GABBR2: variants seen among roughly 807,000 people sequenced by gnomAD.
The protein encoded by GABBR2 is gamma-aminobutyric acid type B receptor subunit 2.
A neutral mutation model predicts 105.6 loss-of-function variants in GABBR2; 23 were observed. The observed-to-expected ratio is 0.22, with a 90% CI of 0.16 to 0.31. The LOEUF (loss-of-function observed/expected upper bound fraction) is 0.31. GABBR2 is among the 10% of genes least tolerant of loss of function. GABBR2 has a pLI of 1.00. For missense variants in GABBR2, 734 were observed against 1,245.5 expected, an observed-to-expected ratio of 0.59 and a Z score of 6.18; for synonymous variants, 478 against 499.7, an observed-to-expected ratio of 0.96 and a Z score of 0.58.
intron 1 of GABBR2, among the ~76,000 whole-genome samples, chr9:98,599,402 T>C (rs1287458273): frequency 6.6e-6 from 1 of 152,190 alleles, no homozygotes; most frequent in Non-Finnish European, 1.5e-5. Flanking sequence ...TGGGCCTCAC[T>C]CCATCACCTT....
chr9:98,652,821 A>T (rs1830128339), intron 1 of GABBR2, among the ~76,000 whole-genome samples: 1 of 152,242 alleles, frequency 6.6e-6, no homozygotes, highest in African/African-American at 2.4e-5. Context: ...CTGAACAACC[A>T]GGCTCTGCAG....
intron 6 of GABBR2, among the ~76,000 whole-genome samples, chr9:98,471,311 G>C (rs538595696): frequency 4.6e-5 from 7 of 152,284 alleles, no homozygotes; most frequent in Middle Eastern, 3.4e-3. Flanking sequence ...CTTATGAGTG[G>C]GTTTTCCAAA....
chr9:98,434,709 C>T (rs1172779535), intron 7 of GABBR2, among the ~76,000 whole-genome samples: 1 of 152,132 alleles, frequency 6.6e-6, no homozygotes, highest in Non-Finnish European at 1.5e-5. Flanking sequence ...TCACCGCAGC[C>T]CTGTATAAGC....
At chr9:98,613,326 G>C (rs1339469284) in intron 1 of GABBR2, among the ~76,000 whole-genome samples, 1 of 152,118 alleles carries the variant, frequency 6.6e-6, no homozygotes, top group Non-Finnish European at 1.5e-5. Flanking sequence ...TGTAGTCCCA[G>C]CTAATCAGGA....
intron 1 of GABBR2, among the ~76,000 whole-genome samples, chr9:98,653,967 T>C (rs1830144305): frequency 1.3e-5 from 2 of 152,136 alleles, no homozygotes; most frequent in South Asian, 4.1e-4. Flanking sequence ...ACAAAGAAAC[T>C]GAGGTTTGGA....
intron 1 of GABBR2, among the ~76,000 whole-genome samples, chr9:98,704,069 T>C (rs1480704179): frequency 6.6e-6 from 1 of 152,164 alleles, no homozygotes; most frequent in Non-Finnish European, 1.5e-5. Flanking sequence ...CTTGCCCTGT[T>C]CTCTGTTCAC....
At chr9:98,398,077 T>C (rs76473406) in intron 8 of GABBR2, among the ~76,000 whole-genome samples, 5,066 of 152,266 alleles carry the variant, frequency 0.033, 260 homozygotes, top group African/African-American at 0.1. Flanking sequence ...GGTCTATATG[T>C]GGATATGTCT....
chr9:98,450,792 C>A (rs1330515237), intron 7 of GABBR2, among the ~76,000 whole-genome samples: 1 of 152,140 alleles, frequency 6.6e-6, no homozygotes, highest in Non-Finnish European at 1.5e-5. Context: ...CATCCTCAAG[C>A]CGTGGAGAAC....
chr9:98,669,917 T>A (rs1255162804), intron 1 of GABBR2, among the ~76,000 whole-genome samples: 7 of 150,804 alleles, frequency 4.6e-5, no homozygotes, highest in African/African-American at 1.7e-4. Flanking sequence ...TGAGCTCGAA[T>A]CTTAACAAGG....
chr9:98,479,851 C>T (rs556326673), intron 5 of GABBR2, among the ~76,000 whole-genome samples: 175 of 152,276 alleles, frequency 1.1e-3, no homozygotes, highest in Non-Finnish European at 1.8e-3. Context: ...CTGGAACATC[C>T]AAAGTCCCTT....
chr9:98,320,523 G>A (rs1448563581), intron 13 of GABBR2, among the ~76,000 whole-genome samples: 1 of 152,100 alleles, frequency 6.6e-6, no homozygotes, highest in African/African-American at 2.4e-5. Flanking sequence ...AAAGACACAT[G>A]CACACGTATG....
At position 98,343,934 on chromosome 9, in the gene GABBR2, G is replaced by A. The variant is rs1035733420; in HGVS notation, c.1893+18781C>T. ...ACTCACACATACATACTGTCAATTC[G>A]TGGCCCTAATCTTACTTGATCTAAA... On this transcript the variant is annotated intron_variant, in intron 13 of 18. Coordinates refer to ENST00000259455, the MANE Select transcript of GABBR2 (RefSeq NM_005458.8). Among the ~76,000 whole-genome samples the A allele has an allele frequency of 3.3e-5, 5 of 152,110 alleles. 1 individual carries two copies. The South Asian group carries it at 1.0e-3, about 32-fold the overall frequency.
rs374404921 is a variant in GABBR2, at chr9:98,371,554, G to A, written c.1680C>T (p.Leu560=). 6.2e-7 allele frequency: 1 copy of A among 1,606,134 alleles called. No homozygotes were observed. The change falls in exon 12 of 19, where the codon CTC becomes CTT. Residue 560 remains leucine, a synonymous_variant. Coordinates refer to ENST00000259455, the MANE Select transcript of GABBR2 (RefSeq NM_005458.8). Reference sequence around the variant, plus strand: ...CAAAAGCGGTCGTGTAGCCCACGGTGAGAATCCAGGTCCTGACCTAGAGGC... The same window carrying A: ...CAAAAGCGGTCGTGTAGCCCACGGTAAGAATCCAGGTCCTGACCTAGAGGC... The part of the protein sequence containing the change: ...ETLCTVRTWI[L]TVGYTTAFGA...
At chr9:98,416,786 G>A (rs536332888) in intron 7 of GABBR2, among the ~76,000 whole-genome samples, 32 of 152,288 alleles carry the variant, frequency 2.1e-4, no homozygotes, top group African/African-American at 6.7e-4. Context: ...GCTGGTATCC[G>A]TTGACTGCTT....
intron 1 of GABBR2, among the ~76,000 whole-genome samples, chr9:98,663,655 A>G (rs1223091575): frequency 1.2e-5 from 1 of 80,536 alleles, no homozygotes; most frequent in Non-Finnish European, 2.7e-5. Context: ...CAGCTGCCCC[A>G]CTAAAAAAAA....
At chr9:98,504,233 C>T (rs1267289714) in intron 3 of GABBR2, among the ~76,000 whole-genome samples, 1 of 152,176 alleles carries the variant, frequency 6.6e-6, no homozygotes, top group African/African-American at 2.4e-5. Flanking sequence ...AGACAGAAAG[C>T]AAGAAAGGGA....
chr9:98,576,591 G>A (rs890093704), intron 2 of GABBR2, among the ~76,000 whole-genome samples: 6 of 152,140 alleles, frequency 3.9e-5, no homozygotes, highest in Non-Finnish European at 2.9e-5. Flanking sequence ...GAGTCCTTGT[G>A]CAAGTTAGAT....
At chr9:98,468,982 G>A (rs1415987902) in intron 6 of GABBR2, among the ~76,000 whole-genome samples, 1 of 152,180 alleles carries the variant, frequency 6.6e-6, no homozygotes, top group Admixed American at 6.5e-5. Context: ...TCTACCTGCT[G>A]GATGATTGTA....
At chr9:98,495,387 C>T (rs1475463312) in intron 4 of GABBR2, among the ~76,000 whole-genome samples, 1 of 152,168 alleles carries the variant, frequency 6.6e-6, no homozygotes, top group Non-Finnish European at 1.5e-5. Context: ...CATCTGGGGT[C>T]TCCATGCTAA....
Sources: gnomAD v4.1 joint callset for allele counts (sites outside exome capture counted in the v4.1 genomes callset) on GRCh38, gnomAD v4.1.1 for gene constraint, MANE v1.5 for transcripts, NCBI Gene and HGNC (gene_info 2026-07-23, HGNC 2026-07-21) for gene names.